LMF1: variants seen among roughly 807,000 people sequenced by gnomAD.
LMF1 encodes lipase maturation factor 1.
A neutral mutation model predicts 60.6 loss-of-function variants in LMF1; 68 were observed. The observed-to-expected ratio is 1.12, with a 90% confidence interval of 0.92 to 1.37. LMF1 has a LOEUF of 1.37. LMF1 is among the 40% of genes most tolerant of loss of function. The probability of loss-of-function intolerance (pLI) is 0.00; values close to 1 mark genes in which losing one functional copy is unlikely to be tolerated. For missense variants in LMF1, 948 were observed against 767.2 expected (o/e 1.24, Z -2.78); for synonymous variants, 418 against 324.7 (o/e 1.29, Z -3.09).
intron 10 of LMF1, among the ~76,000 whole-genome samples, chr16:862,644 G>C (rs1039346463): frequency 6.6e-6 from 1 of 152,142 alleles, no homozygotes; most frequent in Non-Finnish European, 1.5e-5. Flanking sequence ...GACTGCCTGA[G>C]CCCAGGAGTT....
At chr16:914,739 C>CTCCT (rs2071230997) in intron 3 of LMF1, among the ~76,000 whole-genome samples, 6 of 101,332 alleles carry the variant, frequency 5.9e-5, no homozygotes, top group East Asian at 3.2e-4. Flanking sequence ...CCCTCCCTCC[C>CTCCT]CATGACTATT....
chr16:879,517 C>T (rs1567172153), intron 6 of LMF1, 53 bp downstream of exon 6: 7 of 1,587,332 alleles, frequency 4.4e-6, no homozygotes, highest in East Asian at 2.3e-5. Flanking sequence ...AGAAATAGGG[C>T]GACGGGCCAG....
Position 934,302 on chromosome 16 carries a change from A to C in LMF1, c.504-48T>G, listed in dbSNP as rs1160657068. On this transcript the variant is annotated intron_variant, in intron 2 of 10. Transcript: ENST00000262301. ...AGTATTAACACTTTGGCTTGTTTCA[A>C]CCAAAAACCCACTGTTTCCCCACTG... 2.5e-6 allele frequency: 4 copies of C among 1,597,782 alleles called. No homozygotes were observed. In the South Asian group the frequency reaches 4.4e-5, roughly 18 times the overall value.
At chr16:919,522 A>C (rs889020469) in intron 3 of LMF1, among the ~76,000 whole-genome samples, 2 of 67,090 alleles carry the variant, frequency 3.0e-5, no homozygotes, top group Admixed American at 3.5e-4. Context: ...CCCACAGACA[A>C]GGGGCCCGGA....
intron 10 of LMF1, chr16:856,102 C>T (rs1454623581): frequency 5.3e-6 from 2 of 379,854 alleles, no homozygotes; most frequent in Non-Finnish European, 1.0e-5. Flanking sequence ...TGGGGTCGGG[C>T]CTTTGGAAAA....
chr16:957,367 T>G (rs1597077090), intron 1 of LMF1, among the ~76,000 whole-genome samples: 1 of 152,098 alleles, frequency 6.6e-6, no homozygotes, highest in East Asian at 1.9e-4. Flanking sequence ...CTTTTCCCCA[T>G]GCATTTATAA....
At chr16:866,574 G>A (rs1307442870) in intron 10 of LMF1, among the ~76,000 whole-genome samples, 1 of 152,138 alleles carries the variant, frequency 6.6e-6, no homozygotes, top group Non-Finnish European at 1.5e-5. Flanking sequence ...TGCCCACTTG[G>A]ATGAAAATCT....
Position 939,971 on chromosome 16 carries a change from A to G in LMF1, c.504-5717T>C, listed in dbSNP as rs148309304. On this transcript the variant is annotated intron_variant, in intron 2 of 10. Coordinates refer to ENST00000262301, the MANE Select transcript of LMF1 (RefSeq NM_022773.4). Reference sequence around the variant, plus strand: ...GGAGGTAATTAAGTTAAGGATCTCGAGGTGAGGGCGTCCTGGACTATGTGA... The same window carrying G: ...GGAGGTAATTAAGTTAAGGATCTCGGGGTGAGGGCGTCCTGGACTATGTGA... Among the ~76,000 whole-genome samples the G allele has an allele frequency of 5.8e-3, 878 of 152,212 alleles. 15 individuals carry two copies. The highest frequency in any genetic ancestry group is 0.02 in the African/African-American group (838 of 41,554).
intron 5 of LMF1, among the ~76,000 whole-genome samples, chr16:888,948 T>C (rs912963930): frequency 7.9e-5 from 12 of 152,170 alleles, no homozygotes; most frequent in African/African-American, 2.4e-4. Context: ...GCGCTGGCCC[T>C]GGGATCCTGG....
At chr16:892,456 A>G (rs1469078339) in intron 5 of LMF1, among the ~76,000 whole-genome samples, 2 of 151,782 alleles carry the variant, frequency 1.3e-5, no homozygotes, top group Non-Finnish European at 2.9e-5. Flanking sequence ...GCCCCAGACC[A>G]CTCCCAGCCC....
chr16:970,769 G>C lies in LMF1; in HGVS notation c.193+19C>G. ...CGGAGGTGACACTGGCGGATGTCCC[G>C]GGCCCGCCCGGCACTCACAGTACAC... is the stretch of plus-strand genomic sequence containing the variant. On this transcript the variant is annotated intron_variant, in intron 1 of 10. Transcript: ENST00000262301. The C allele has an allele frequency of 1.3e-6, 2 of 1,510,848 alleles. No homozygotes were observed. The highest frequency in any genetic ancestry group is 1.8e-6 in the Non-Finnish European group (2 of 1,124,638). 93.6% of individuals were successfully genotyped at this position (1,510,848 alleles called of 1,614,324 possible).
intron 5 of LMF1, among the ~76,000 whole-genome samples, chr16:888,606 G>C (rs1472800948): frequency 6.6e-6 from 1 of 152,184 alleles, no homozygotes; most frequent in African/African-American, 2.4e-5. Flanking sequence ...TGTTGCATCC[G>C]CGTCGTCAGG....
In LMF1 at chr16:921,375, G is replaced by A. The variant is rs544155719; in HGVS notation, c.515-10296C>T. Reference sequence around the variant, plus strand: ...TCCAAGACCTCCTGGGTGGGCACACGGACCTGCGCTCCCTGCAGAGACGTG... The same window carrying A: ...TCCAAGACCTCCTGGGTGGGCACACAGACCTGCGCTCCCTGCAGAGACGTG... On this transcript the variant is annotated intron_variant, in intron 3 of 10. Coordinates refer to ENST00000262301, the MANE Select transcript of LMF1 (RefSeq NM_022773.4). Among the ~76,000 whole-genome samples, 69 of 152,334 alleles carry A rather than the reference G, an allele frequency of 4.5e-4. No homozygotes were observed. The South Asian group carries it at 0.013, about 30-fold the overall frequency.
intron 1 of LMF1, chr16:979,849 G>A: frequency 2.3e-6 from 1 of 440,618 alleles, no homozygotes; most frequent in Non-Finnish European, 4.6e-6. Flanking sequence ...ACTTCTGCCT[G>A]CCTGCATCCC....
At position 853,833 on chromosome 16, in the gene LMF1, T is replaced by C. The variant is rs1596813376; in HGVS notation, c.*699A>G. Reference sequence around the variant, plus strand: ...AGCGAGGTCACAGCCTGGTGGAGGGTCTGGGTGTGCGCTGTGTCCATCTGC... The same window carrying C: ...AGCGAGGTCACAGCCTGGTGGAGGGCCTGGGTGTGCGCTGTGTCCATCTGC... On this transcript the variant is annotated 3_prime_UTR_variant, in exon 11 of 11. Coordinates refer to ENST00000262301, the MANE Select transcript of LMF1 (RefSeq NM_022773.4). 1 of 453,274 alleles carries C rather than the reference T, an allele frequency of 2.2e-6. No individual in the cohort carries two copies. 28.1% of individuals were successfully genotyped at this position (453,274 alleles called of 1,614,324 possible).
At chr16:971,180 G>A (rs573982011), upstream of LMF1, among the ~76,000 whole-genome samples, 2 of 152,326 alleles carry the variant, frequency 1.3e-5, no homozygotes, top group Admixed American at 6.5e-5. Context: ...CCCGGAGCCT[G>A]CCTCCTTCGC....
rs1265916702 is a variant in LMF1 at position 954,585 on chromosome 16, T to C, written c.275A>G (p.Lys92Arg). The change falls in exon 2 of 11, where the codon AAG (lysine) becomes AGG (arginine). Residue 92 changes from lysine (K) to arginine (R), a missense_variant. Transcript: ENST00000262301. ...GTCCTGGAAGTACTGCTGGAAGTTC[T>C]TCAGGAACACTCTGCAGGGAAGCAG... ...RGLLPCRVFL[K>R]NFQQYFQDRT... 2 of 1,613,148 alleles carry C rather than the reference T, an allele frequency of 1.2e-6. No homozygotes were observed. Among genetic ancestry groups the C allele is most frequent in the Middle Eastern group, 1.6e-4 (1 of 6,062 alleles).
rs564980749 is a variant in LMF1 at position 878,313 on chromosome 16, G to A, written c.897+1257C>T. Among the ~76,000 whole-genome samples the A allele has an allele frequency of 3.0e-4, 46 of 152,174 alleles. No homozygotes were observed. Among genetic ancestry groups the A allele is most frequent in the African/African-American group, 1.0e-3 (42 of 41,522 alleles). On this transcript the variant is annotated intron_variant, in intron 6 of 10. Coordinates refer to ENST00000262301, the MANE Select transcript of LMF1 (RefSeq NM_022773.4). The surrounding 1 kb of genome is among the most constrained non-coding windows in gnomAD (Gnocchi z 5.2). Reference sequence around the variant, plus strand: ...ACAGGGAAATCACCTGATGGGCACCGGTGCCAGCCTCCAAGCAGCTAACGC... The same window carrying A: ...ACAGGGAAATCACCTGATGGGCACCAGTGCCAGCCTCCAAGCAGCTAACGC...
At chr16:918,788 G>A (rs971289302) in intron 3 of LMF1, among the ~76,000 whole-genome samples, 1 of 152,122 alleles carries the variant, frequency 6.6e-6, no homozygotes, top group Non-Finnish European at 1.5e-5. Flanking sequence ...AAGTGACCAC[G>A]CGGGGCCGAC....
Sources: gnomAD v4.1 joint callset for allele counts (sites outside exome capture counted in the v4.1 genomes callset) on GRCh38, gnomAD v4.1.1 for gene constraint, Gnocchi (gnomAD v3.1) non-coding constraint, MANE v1.5 for transcripts, NCBI Gene and HGNC (gene_info 2026-07-23, HGNC 2026-07-21) for gene names.